KCNB2: variants seen among roughly 807,000 people sequenced by gnomAD.
KCNB2 encodes delayed rectifier potassium channel protein.
In KCNB2, 15 loss-of-function variants were observed where a neutral mutation model predicts 61.5. The ratio of observed to expected loss-of-function variants is 0.24; its 90% CI spans 0.16 to 0.38. The LOEUF is 0.38. Among genes scored for constraint, KCNB2 ranks in the 10% least tolerant of loss-of-function variants. The pLI, the probability that KCNB2 is intolerant of heterozygous loss-of-function variation, is 1.00. For missense variants in KCNB2, 828 were observed against 1,125.2 expected, an observed-to-expected ratio of 0.74 and a Z score of 3.78; for synonymous variants, 457 against 446.0, an observed-to-expected ratio of 1.02 and a Z score of -0.31.
chr8:72,654,083 A>G (rs766970655), intron 2 of KCNB2, among the ~76,000 whole-genome samples: 15 of 152,168 alleles, frequency 9.9e-5, no homozygotes, highest in Non-Finnish European at 1.8e-4. Flanking sequence ...TAATGATCCA[A>G]TTCAGTCAAT....
intron 2 of KCNB2, among the ~76,000 whole-genome samples, chr8:72,778,491 C>T (rs1410994094): frequency 1.3e-5 from 2 of 151,300 alleles, no homozygotes; most frequent in Non-Finnish European, 2.9e-5. Flanking sequence ...TAATCCCAGC[C>T]CTTTGGGAGG....
intron 2 of KCNB2, among the ~76,000 whole-genome samples, chr8:72,890,966 C>T (rs1805887521): frequency 6.6e-6 from 1 of 152,142 alleles, no homozygotes. Context: ...GTGTAGTTCT[C>T]TCATGTGAGA....
chr8:72,592,180 T>C (rs1807109331), intron 2 of KCNB2, among the ~76,000 whole-genome samples: 2 of 152,206 alleles, frequency 1.3e-5, no homozygotes, highest in African/African-American at 2.4e-5. Flanking sequence ...TCATCTTCTC[T>C]GTTTCATGAT....
chr8:72,724,165 A>G (rs1216170755), intron 2 of KCNB2, among the ~76,000 whole-genome samples: 1 of 152,086 alleles, frequency 6.6e-6, no homozygotes, highest in Non-Finnish European at 1.5e-5. Context: ...TTATAGCGGT[A>G]TTTCGTCTTC....
rs78896174 is a variant in KCNB2, at chr8:72,642,123, G to A, written c.579+73810G>A. ...AGTATGGCAGGTGGCCTCTAGCTACGTGTGGCTACTCAGCACTCAAAATGT... is the reference window on the plus strand; with the variant it reads ...AGTATGGCAGGTGGCCTCTAGCTACATGTGGCTACTCAGCACTCAAAATGT... On this transcript the variant is annotated intron_variant, in intron 2 of 2. Transcript: ENST00000523207. 5.2e-3 allele frequency among the ~76,000 whole-genome samples: 792 copies of A among 152,182 alleles called. 10 individuals carry two copies. Among genetic ancestry groups the A allele is most frequent in the African/African-American group, 0.018 (744 of 41,534 alleles).
chr8:72,846,115 G>T (rs986938439), intron 2 of KCNB2, among the ~76,000 whole-genome samples: 8 of 152,162 alleles, frequency 5.3e-5, no homozygotes, highest in African/African-American at 1.7e-4. Context: ...GGGTTGTGAA[G>T]ACCGTGGGAA....
chr8:72,544,661 C>CT (rs1806234247), intron 1 of KCNB2, among the ~76,000 whole-genome samples: 1 of 152,108 alleles, frequency 6.6e-6, no homozygotes, highest in Admixed American at 6.5e-5. Flanking sequence ...TATTACCCTC[C>CT]TTTTTTGCTT....
intron 2 of KCNB2, among the ~76,000 whole-genome samples, chr8:72,625,150 A>T (rs764892215): frequency 1.5e-4 from 23 of 152,204 alleles, no homozygotes; most frequent in Admixed American, 9.8e-4. Flanking sequence ...AAGCTGTGAG[A>T]TGCCAGGCCT....
intron 2 of KCNB2, among the ~76,000 whole-genome samples, chr8:72,703,806 A>G (rs1484783885): frequency 1.3e-5 from 2 of 152,238 alleles, no homozygotes; most frequent in Non-Finnish European, 2.9e-5. Context: ...ATTGAATGCC[A>G]TAAAAACAAC....
intron 2 of KCNB2, among the ~76,000 whole-genome samples, chr8:72,606,516 G>A (rs1435415052): frequency 6.6e-6 from 1 of 152,158 alleles, no homozygotes; most frequent in Non-Finnish European, 1.5e-5. Context: ...ATACTAATTA[G>A]TAATTGTTAT....
At chr8:72,882,538 A>AGAGAGAGAGC (rs1563412289) in intron 2 of KCNB2, among the ~76,000 whole-genome samples, 4 of 151,020 alleles carry the variant, frequency 2.6e-5, no homozygotes, top group African/African-American at 9.8e-5. Flanking sequence ...AGAGAGAGAG[A>AGAGAGAGAGC]GAGAGAGAGA....
At chr8:72,898,966 A>G (rs1806038293) in intron 2 of KCNB2, among the ~76,000 whole-genome samples, 1 of 152,044 alleles carries the variant, frequency 6.6e-6, no homozygotes, top group Non-Finnish European at 1.5e-5. Flanking sequence ...ACTGCAAGGG[A>G]CGTGATTTCA....
At chr8:72,725,565 G>GTATATATGTA (rs1807626585) in intron 2 of KCNB2, among the ~76,000 whole-genome samples, 1 of 47,978 alleles carries the variant, frequency 2.1e-5, no homozygotes, top group Non-Finnish European at 5.0e-5. Flanking sequence ...ATGTATATAT[G>GTATATATGTA]TATATATATG....
intron 2 of KCNB2, among the ~76,000 whole-genome samples, chr8:72,753,809 G>A (rs1181110245): frequency 2.0e-5 from 3 of 152,196 alleles, no homozygotes; most frequent in Non-Finnish European, 4.4e-5. Context: ...GGGAGGATTA[G>A]TCACTAGCCA....
At chr8:72,683,190 A>C (rs1806791548) in intron 2 of KCNB2, among the ~76,000 whole-genome samples, 1 of 152,232 alleles carries the variant, frequency 6.6e-6, no homozygotes, top group African/African-American at 2.4e-5. Context: ...TGTAAAAGAC[A>C]CAAGTAGCTA....
At chr8:72,736,946 G>A (rs1054015506) in intron 2 of KCNB2, among the ~76,000 whole-genome samples, 6 of 151,718 alleles carry the variant, frequency 4.0e-5, no homozygotes, top group Non-Finnish European at 7.4e-5. Context: ...TTCTATCCTT[G>A]TATATACATT....
rs193091723 is a variant in KCNB2 at position 72,900,081 on chromosome 8, T to C, written c.580-35854T>C. ...AAGAACAAAGCCAGAGGCATCATGC[T>C]ACCTGACTTCAAACTATACTACAAG... On this transcript the variant is annotated intron_variant, in intron 2 of 2. Transcript: ENST00000523207. Among the ~76,000 whole-genome samples the C allele has an allele frequency of 3.9e-3, 598 of 152,256 alleles. 4 individuals are homozygous for C. The highest frequency in any genetic ancestry group is 0.013 in the African/African-American group (560 of 41,558).
At chr8:72,575,576 T>C (rs1329350095) in intron 2 of KCNB2, among the ~76,000 whole-genome samples, 1 of 152,138 alleles carries the variant, frequency 6.6e-6, no homozygotes, top group Non-Finnish European at 1.5e-5. Context: ...ATATCACATA[T>C]AAAATATTGA....
intron 2 of KCNB2, among the ~76,000 whole-genome samples, chr8:72,839,924 T>A (rs191650960): frequency 0.084 from 12,689 of 151,792 alleles, 663 homozygotes; most frequent in South Asian, 0.23. Flanking sequence ...TTTTTTTTTT[T>A]TAATACTTTA....
Sources: gnomAD v4.1 joint callset for allele counts (sites outside exome capture counted in the v4.1 genomes callset) on GRCh38, gnomAD v4.1.1 for gene constraint, MANE v1.5 for transcripts, NCBI Gene and HGNC (gene_info 2026-07-23, HGNC 2026-07-21) for gene names.